Variants in RARB observed in about 807,000 individuals in gnomAD.
RARB encodes retinoic acid receptor beta, also known as HBV-activated protein.
A neutral mutation model predicts 51.9 loss-of-function variants in RARB; 17 were observed. The observed-to-expected ratio is 0.33, with a 90% CI of 0.22 to 0.49. The LOEUF is 0.49. Among genes scored for constraint, RARB ranks in the 20% least tolerant of loss-of-function variants. RARB has a pLI of 0.99. For missense variants in RARB, 369 were observed against 550.8 expected, an observed-to-expected ratio of 0.67 and a Z score of 3.30; for synonymous variants, 215 against 195.4, an observed-to-expected ratio of 1.10 and a Z score of -0.84.
At chr3:25,495,454 G>A (rs774640034) in intron 2 of RARB, among the ~76,000 whole-genome samples, 2 of 152,200 alleles carry the variant, frequency 1.3e-5, no homozygotes, top group Non-Finnish European at 2.9e-5. Context: ...TTTCTGCACT[G>A]TAGATAATAG....
chr3:25,376,439 T>C lies in RARB; in HGVS notation c.179-84754T>C, dbSNP rs1436505837. Among the ~76,000 whole-genome samples the C allele has an allele frequency of 2.0e-5, 3 of 152,360 alleles. No homozygotes were observed. In the East Asian group the frequency reaches 5.8e-4, roughly 29 times the overall value. On this transcript the variant is annotated intron_variant, in intron 5 of 11. Coordinates refer to the RARB transcript ENST00000383772. ...CTCCCTGAGTAATTACCAGTCTTTA[T>C]GGCCCCAGATACAACCTTGTCTTGA...
chr3:25,124,803 C>T (rs1299572042), intron 3 of RARB, among the ~76,000 whole-genome samples: 1 of 152,136 alleles, frequency 6.6e-6, no homozygotes, highest in Non-Finnish European at 1.5e-5. Context: ...TGTTTGTTGT[C>T]AGCCTAGCTG....
rs781662331 is a variant in RARB at position 25,428,906 on chromosome 3, CCTT to C, written c.157+24_157+26del. 8.6e-5 allele frequency: 136 copies of C among 1,577,028 alleles called. No individual in the cohort carries two copies. Among genetic ancestry groups the C allele is most frequent in the Non-Finnish European group, 9.3e-5 (107 of 1,156,142 alleles). On this transcript the variant is annotated intron_variant, in intron 1 of 7. Transcript: ENST00000330688. ...TGCTCAATGTAGGTTTATTTTTTTC[CCTT>C]CTTCTACCAAGAAAAAAAAAATTGT...
intron 2 of RARB, among the ~76,000 whole-genome samples, chr3:24,937,313 G>C (rs1695566422): frequency 6.6e-6 from 1 of 152,110 alleles, no homozygotes; most frequent in African/African-American, 2.4e-5. Flanking sequence ...CTTCTATGTG[G>C]AGTGCAGTAT....
At chr3:25,358,830 G>A (rs539083362) in intron 5 of RARB, among the ~76,000 whole-genome samples, 11 of 152,032 alleles carry the variant, frequency 7.2e-5, no homozygotes, top group South Asian at 2.1e-4. Context: ...GGATGAAGCC[G>A]ACTTGATCAT....
intron 5 of RARB, among the ~76,000 whole-genome samples, chr3:25,182,135 T>C (rs1700874389): frequency 6.6e-6 from 1 of 152,214 alleles, no homozygotes; most frequent in Non-Finnish European, 1.5e-5. Flanking sequence ...CAGCAGGTGA[T>C]ATGTGTTGCT....
chr3:25,344,567 A>T (rs11129194), intron 5 of RARB, among the ~76,000 whole-genome samples: 53,147 of 152,090 alleles, frequency 0.35, 10,096 homozygotes, highest in South Asian at 0.49. Context: ...ATTTTAAAGC[A>T]CAAAAAGACA....
intron 2 of RARB, among the ~76,000 whole-genome samples, chr3:24,861,108 T>A (rs1702741004): frequency 6.6e-6 from 1 of 152,150 alleles, no homozygotes; most frequent in Admixed American, 6.5e-5. Flanking sequence ...CCACCACCAA[T>A]GGAAAACATT....
chr3:24,840,541 G>A (rs1033311472), intron 1 of RARB, among the ~76,000 whole-genome samples: 8 of 152,028 alleles, frequency 5.3e-5, no homozygotes, highest in Admixed American at 4.6e-4. Flanking sequence ...GCTAAACCAT[G>A]TATATGGAAA....
intron 1 of RARB, among the ~76,000 whole-genome samples, chr3:25,457,746 C>T (rs930648584): frequency 1.8e-4 from 28 of 152,206 alleles, no homozygotes; most frequent in African/African-American, 6.5e-4. Context: ...ATGGAAATTA[C>T]TACCCACTTT....
chr3:25,287,573 G>C (rs1406805474), intron 5 of RARB, among the ~76,000 whole-genome samples: 1 of 152,108 alleles, frequency 6.6e-6, no homozygotes, highest in Non-Finnish European at 1.5e-5. Context: ...CTTTAGTATT[G>C]GGCCAAGCAG....
intron 5 of RARB, among the ~76,000 whole-genome samples, chr3:25,330,352 CCAATATTCAA>C (rs1487321479): frequency 6.6e-6 from 1 of 152,122 alleles, no homozygotes; most frequent in African/African-American, 2.4e-5. Context: ...AGAGTGGGGG[CCAATATTCAA>C]CATTCTTAAA....
At position 25,291,476 on chromosome 3, in the gene RARB, C is replaced by CTT. The variant is rs199605013; in HGVS notation, c.178+116918_178+116919dup. On this transcript the variant is annotated intron_variant, in intron 5 of 11. Coordinates refer to the RARB transcript ENST00000383772. ...TAAAAATGCTTGAGCCAGATGTTTG[C>CTT]TTTTTTTTTTTTTTTTTTGAACACA... 3.0e-4 allele frequency among the ~76,000 whole-genome samples: 37 copies of CTT among 125,358 alleles called. 1 individual carries two copies. The highest frequency in any genetic ancestry group is 5.7e-4 in the Admixed American group (7 of 12,272). 82.2% of individuals were successfully genotyped at this position (125,358 alleles called of 152,430 possible).
At chr3:25,167,927 C>A (rs1429594528) in intron 4 of RARB, among the ~76,000 whole-genome samples, 1 of 152,186 alleles carries the variant, frequency 6.6e-6, no homozygotes, top group Non-Finnish European at 1.5e-5. Flanking sequence ...ATCCAAGAGT[C>A]CCAAATAAAA....
At chr3:25,025,133 G>T (rs558900424) in intron 2 of RARB, 3 of 152,250 alleles carry the variant, frequency 2.0e-5, no homozygotes, top group Admixed American at 1.3e-4. Context: ...AAGAAAAGTT[G>T]TAAGCATTCT....
rs148635990 is a variant in RARB, at chr3:25,457,672, T to G, written c.158-3521T>G. On this transcript the variant is annotated intron_variant, in intron 1 of 7. Coordinates refer to ENST00000330688, the MANE Select transcript of RARB (RefSeq NM_000965.5). ...GTATTAAATTATGCACAATTTTGTT[T>G]CCTTTCTTTGGGAAGGTGAAATGCT... is the stretch of plus-strand genomic sequence containing the variant. 2.2e-3 allele frequency among the ~76,000 whole-genome samples: 335 copies of G among 152,314 alleles called. 1 individual carries two copies. The highest frequency in any genetic ancestry group is 7.5e-3 in the African/African-American group (311 of 41,570).
intron 5 of RARB, among the ~76,000 whole-genome samples, chr3:25,356,791 T>A (rs954624629): frequency 7.9e-5 from 12 of 152,182 alleles, no homozygotes; most frequent in African/African-American, 2.9e-4. Context: ...TGTGTTAGTT[T>A]GCTGAGAATG....
At chr3:24,914,890 A>G (rs1403260907) in intron 2 of RARB, among the ~76,000 whole-genome samples, 1 of 152,228 alleles carries the variant, frequency 6.6e-6, no homozygotes, top group African/African-American at 2.4e-5. Context: ...CCTGTGCACT[A>G]TAAATGTACC....
chr3:24,941,022 T>C (rs947000568), intron 2 of RARB, among the ~76,000 whole-genome samples: 1 of 152,124 alleles, frequency 6.6e-6, no homozygotes, highest in Non-Finnish European at 1.5e-5. Flanking sequence ...TACCATCCTA[T>C]ATTGAAATAG....
Sources: allele counts gnomAD v4.1 joint callset (sites outside exome capture counted in the v4.1 genomes callset), GRCh38; gene constraint gnomAD v4.1.1; transcripts MANE v1.5; gene names NCBI Gene and HGNC (gene_info 2026-07-23, HGNC 2026-07-21).